The following KIAA0825 variants were observed in gnomAD, a reference collection of about 807,000 sequenced individuals.
The protein encoded by KIAA0825 is uncharacterized protein KIAA0825.
A neutral mutation model predicts 147.6 loss-of-function variants in KIAA0825; 119 were observed. The observed-to-expected ratio is 0.81, with a 90% CI of 0.69 to 0.94. The LOEUF (loss-of-function observed/expected upper bound fraction) is 0.94, where lower values mean the gene tolerates loss of function less well. Among genes scored for constraint, KIAA0825 ranks in the 40% least tolerant of loss-of-function variants. KIAA0825 has a pLI of 0.00. For missense variants in KIAA0825, 1,381 were observed against 1,472.7 expected (o/e 0.94, Z 1.02); for synonymous variants, 470 against 518.1 (o/e 0.91, Z 1.26).
chr5:94,214,756 A>T (rs1241773848), intron 20 of KIAA0825, among the ~76,000 whole-genome samples: 1 of 152,240 alleles, frequency 6.6e-6, no homozygotes, highest in African/African-American at 2.4e-5. Flanking sequence ...GTACTTGAGT[A>T]ACTGTGACCA....
Position 94,396,252 on chromosome 5 carries a change from C to G in KIAA0825, c.3145G>C (p.Gly1049Arg). The change falls in exon 17 of 21, where the codon GGT becomes CGT. Residue 1049 changes from glycine (G) to arginine (R), a missense_variant. By Grantham distance (125) the Gly-to-Arg change is moderately radical. Coordinates refer to ENST00000682413, the MANE Select transcript of KIAA0825 (RefSeq NM_001145678.3). ...SLDRWSKEKL[G>R]LICMCLKSIM... Reference sequence around the variant, plus strand: ...CTTTTCAAACACATACAAATTAAACCCAATTTTTCTTTACTCCATCTGTCA... The same window carrying G: ...CTTTTCAAACACATACAAATTAAACGCAATTTTTCTTTACTCCATCTGTCA... 1 of 1,551,492 alleles carries G rather than the reference C, an allele frequency of 6.4e-7. No individual in the cohort carries two copies.
At chr5:94,581,813 T>C (rs1361423493) in intron 2 of KIAA0825, among the ~76,000 whole-genome samples, 1 of 152,228 alleles carries the variant, frequency 6.6e-6, no homozygotes, top group African/African-American at 2.4e-5. Context: ...TGTTGACAAA[T>C]CTAATTCATT....
chr5:94,242,488 T>C (rs1159187273), intron 20 of KIAA0825, among the ~76,000 whole-genome samples: 1 of 152,196 alleles, frequency 6.6e-6, no homozygotes, highest in African/African-American at 2.4e-5. Context: ...CATTCTGAAA[T>C]GCCTTCCACC....
chr5:94,462,444 C>A lies in KIAA0825; in HGVS notation c.2189G>T (p.Cys730Phe). The change falls in exon 12 of 21, where the codon TGT becomes TTT. Residue 730 changes from cysteine (C) to phenylalanine (F), a missense_variant. Transcript: ENST00000682413. Reference protein sequence around the residue: ...DDKIFKIHTHCNNLFTTLVIL... With the variant: ...DDKIFKIHTHFNNLFTTLVIL... ...GACTAATGTTGTAAACAGATTATTA[C>A]AATGAGTGTGAATTTTAAAAATTTT... 1 of 1,506,928 alleles carries A rather than the reference C, an allele frequency of 6.6e-7. No individual in the cohort carries two copies. Among genetic ancestry groups the A allele is most frequent in the Non-Finnish European group, 9.0e-7 (1 of 1,108,336 alleles). 93.3% of individuals were successfully genotyped at this position (1,506,928 alleles called of 1,614,324 possible).
rs1762852853 is a variant in KIAA0825 at position 94,484,735 on chromosome 5, T to C, written c.1132+34A>G. ...AGGAAGCAAAAACACAGAGAAATTA[T>C]AGATTTACAAATTTAAACAAAAGAG... On this transcript the variant is annotated intron_variant, in intron 6 of 20. Transcript: ENST00000682413. 3.7e-6 allele frequency: 5 copies of C among 1,364,112 alleles called. No homozygotes were observed. In the African/African-American group the frequency reaches 4.4e-5, roughly 12 times the overall value. The allele number at this position is 1,364,112 out of a possible 1,614,324, so 84.5% of individuals were successfully genotyped here. A position where few individuals can be genotyped will look rare whatever the true frequency, so the allele number is the denominator to read the frequency against.
chr5:94,303,360 C>T (rs1778523524), intron 20 of KIAA0825, among the ~76,000 whole-genome samples: 1 of 152,054 alleles, frequency 6.6e-6, no homozygotes, highest in East Asian at 1.9e-4. Context: ...TTACTATATT[C>T]AGTCAAGACA....
chr5:94,614,362 G>A (rs1284035663), intron 1 of KIAA0825, among the ~76,000 whole-genome samples: 1 of 151,912 alleles, frequency 6.6e-6, no homozygotes, highest in Non-Finnish European at 1.5e-5. Flanking sequence ...GTAACAAATG[G>A]GCGTTTTTCC....
intron 20 of KIAA0825, among the ~76,000 whole-genome samples, chr5:94,311,440 A>C (rs1226801043): frequency 6.6e-6 from 1 of 151,636 alleles, no homozygotes; most frequent in Non-Finnish European, 1.5e-5. Context: ...TGAAAATTCA[A>C]AAAGGACATT....
In KIAA0825 at chr5:94,581,699, A is replaced by T. The variant is rs139441070; in HGVS notation, c.-2+734T>A. 2.0e-3 allele frequency among the ~76,000 whole-genome samples: 312 copies of T among 152,318 alleles called. 2 individuals carry two copies. Among genetic ancestry groups the T allele is most frequent in the African/African-American group, 7.3e-3 (304 of 41,572 alleles). On this transcript the variant is annotated intron_variant, in intron 2 of 20. Coordinates refer to ENST00000682413, the MANE Select transcript of KIAA0825 (RefSeq NM_001145678.3). The stretch of plus-strand genomic sequence containing the variant: ...CTTTTTAATATCTATTATTTAAAAA[A>T]TATCTTTGAATTGAAGATACTCTAA...
chr5:94,482,945 TATAAG>T (rs1310292838), intron 6 of KIAA0825, among the ~76,000 whole-genome samples: 3 of 152,112 alleles, frequency 2.0e-5, no homozygotes, highest in South Asian at 2.1e-4. Context: ...CCTTACTGCT[TATAAG>T]ATGACACATT....
chr5:94,609,683 C>G (rs1788325698), intron 1 of KIAA0825, among the ~76,000 whole-genome samples: 1 of 151,974 alleles, frequency 6.6e-6, no homozygotes, highest in Non-Finnish European at 1.5e-5. Flanking sequence ...ATAAACTGAG[C>G]CTACGGGAGG....
chr5:94,297,754 C>A (rs1778201918), intron 20 of KIAA0825, among the ~76,000 whole-genome samples: 1 of 151,764 alleles, frequency 6.6e-6, no homozygotes, highest in South Asian at 2.1e-4. Flanking sequence ...TGTCACCACA[C>A]CCAGCTAATT....
At chr5:94,346,933 T>A (rs1783067153) in intron 20 of KIAA0825, among the ~76,000 whole-genome samples, 1 of 152,264 alleles carries the variant, frequency 6.6e-6, no homozygotes, top group African/African-American at 2.4e-5. Flanking sequence ...CAAGCCTGTA[T>A]GACTCTGCCT....
At chr5:94,249,801 T>G (rs895677852) in intron 20 of KIAA0825, among the ~76,000 whole-genome samples, 26 of 128,634 alleles carry the variant, frequency 2.0e-4, no homozygotes, top group Non-Finnish European at 3.9e-4. Context: ...CTCTGCTGGT[T>G]TTTTTTTTTT....
At chr5:94,212,788 C>A (rs1165845991) in intron 20 of KIAA0825, among the ~76,000 whole-genome samples, 1 of 152,146 alleles carries the variant, frequency 6.6e-6, no homozygotes, top group African/African-American at 2.4e-5. Flanking sequence ...AGTAGAGAAA[C>A]AAATCTGCTT....
At chr5:94,166,900 C>T (rs1422572451) in intron 20 of KIAA0825, among the ~76,000 whole-genome samples, 1 of 151,982 alleles carries the variant, frequency 6.6e-6, no homozygotes, top group African/African-American at 2.4e-5. Flanking sequence ...ATATGATGTT[C>T]TATAGTCCCA....
chr5:94,518,026 A>G (rs557156348), intron 5 of KIAA0825, among the ~76,000 whole-genome samples: 1 of 152,298 alleles, frequency 6.6e-6, no homozygotes, highest in South Asian at 2.1e-4. Context: ...AAGGATTAAA[A>G]GAGATAATGC....
At chr5:94,290,829 A>G (rs967552397) in intron 20 of KIAA0825, among the ~76,000 whole-genome samples, 37 of 152,262 alleles carry the variant, frequency 2.4e-4, no homozygotes, top group African/African-American at 8.9e-4. Context: ...CACCATTCTA[A>G]CTGGTGTGAG....
In KIAA0825 at chr5:94,571,713, T is replaced by C. The variant is rs567882251; in HGVS notation, c.-2+10720A>G. 3.9e-5 allele frequency among the ~76,000 whole-genome samples: 6 copies of C among 152,340 alleles called. No individual in the cohort carries two copies. In the South Asian group the frequency reaches 1.2e-3, roughly 32 times the overall value. Reference sequence around the variant, plus strand: ...CAGTTATACCATTACAGAGTCATCATGGTGGATGGTAAGTGTCAACAAACA... The same window carrying C: ...CAGTTATACCATTACAGAGTCATCACGGTGGATGGTAAGTGTCAACAAACA... On this transcript the variant is annotated intron_variant, in intron 2 of 20. Coordinates refer to ENST00000682413, the MANE Select transcript of KIAA0825 (RefSeq NM_001145678.3).
Sources: gnomAD v4.1 joint callset for allele counts (sites outside exome capture counted in the v4.1 genomes callset) on GRCh38, gnomAD v4.1.1 for gene constraint, MANE v1.5 for transcripts, NCBI Gene and HGNC (gene_info 2026-07-23, HGNC 2026-07-21) for gene names.